The following SH3RF3 variants were observed in gnomAD, a reference collection of about 807,000 sequenced individuals.
The protein encoded by SH3RF3 is E3 ubiquitin-protein ligase SH3RF3.
SH3RF3 carries 29 observed loss-of-function variants against 66.3 expected under a neutral mutation model. That is an observed-to-expected ratio of 0.44 (90% CI 0.33 to 0.60). The LOEUF is 0.60. Among genes scored for constraint, SH3RF3 ranks in the 20% least tolerant of loss-of-function variants. The probability of loss-of-function intolerance (pLI) is 0.04; values close to 1 mark genes in which losing one functional copy is unlikely to be tolerated. For missense variants in SH3RF3, 1,194 were observed against 1,190.9 expected (o/e 1.00, Z -0.04); for synonymous variants, 583 against 532.0 (o/e 1.10, Z -1.32).
chr2:109,319,019 G>C (rs1218329780), intron 1 of SH3RF3, among the ~76,000 whole-genome samples: 5 of 152,238 alleles, frequency 3.3e-5, no homozygotes, highest in Non-Finnish European at 7.3e-5. Flanking sequence ...TGGGATTACA[G>C]ATGGGAAAGG....
In SH3RF3 at chr2:109,178,413, C is replaced by CT. The variant is rs199607359; in HGVS notation, c.573+48308dup. Reference sequence around the variant, plus strand: ...AATATTGGTGGTATGCTTTAGTTTCCTTTTTTTTATTGTTTTGTGAGCTCT... The same window carrying CT: ...AATATTGGTGGTATGCTTTAGTTTCCTTTTTTTTTATTGTTTTGTGAGCTCT... On this transcript the variant is annotated intron_variant, in intron 1 of 9. Coordinates refer to ENST00000309415, the MANE Select transcript of SH3RF3 (RefSeq NM_001099289.3). Among the ~76,000 whole-genome samples the CT allele has an allele frequency of 1.3e-4, 19 of 151,954 alleles. 1 individual carries two copies. Among genetic ancestry groups the CT allele is most frequent in the South Asian group, 6.3e-4 (3 of 4,790 alleles).
intron 9 of SH3RF3, among the ~76,000 whole-genome samples, chr2:109,491,734 A>G (rs1452842128): frequency 1.3e-5 from 2 of 152,188 alleles, no homozygotes; most frequent in Non-Finnish European, 2.9e-5. Flanking sequence ...GGATGGTAGA[A>G]AGATATGATC....
intron 1 of SH3RF3, among the ~76,000 whole-genome samples, chr2:109,256,333 C>G (rs746516646): frequency 1.3e-5 from 2 of 152,156 alleles, no homozygotes; most frequent in Non-Finnish European, 2.9e-5. Context: ...CTGGGGCGAG[C>G]TTGGAAGGTG....
At chr2:109,395,388 C>T (rs1414865768) in intron 3 of SH3RF3, among the ~76,000 whole-genome samples, 1 of 152,226 alleles carries the variant, frequency 6.6e-6, no homozygotes, top group Non-Finnish European at 1.5e-5. Flanking sequence ...AGGATACAGC[C>T]TAACCCCTCC....
chr2:109,396,034 C>T (rs1247057315), intron 3 of SH3RF3, among the ~76,000 whole-genome samples: 3 of 152,192 alleles, frequency 2.0e-5, no homozygotes, highest in Non-Finnish European at 4.4e-5. Flanking sequence ...CAAGTGCAGG[C>T]GCGTGGCAGG....
At chr2:109,248,643 C>A (rs1574527603) in intron 1 of SH3RF3, among the ~76,000 whole-genome samples, 2 of 152,172 alleles carry the variant, frequency 1.3e-5, no homozygotes, top group East Asian at 3.8e-4. Flanking sequence ...CAAGTGCAAG[C>A]AAATAATTAG....
intron 7 of SH3RF3, among the ~76,000 whole-genome samples, chr2:109,442,405 T>A (rs1677594526): frequency 1.3e-5 from 2 of 151,526 alleles, no homozygotes; most frequent in Admixed American, 1.3e-4. Context: ...AAAATGAAGA[T>A]CTATACAAAG....
At chr2:109,377,750 G>C (rs1258951831) in intron 3 of SH3RF3, among the ~76,000 whole-genome samples, 1 of 152,146 alleles carries the variant, frequency 6.6e-6, no homozygotes, top group South Asian at 2.1e-4. Context: ...CAGACCACTG[G>C]GTTCTAAGCC....
At chr2:109,337,443 C>T (rs1417314884) in intron 1 of SH3RF3, among the ~76,000 whole-genome samples, 2 of 152,196 alleles carry the variant, frequency 1.3e-5, no homozygotes, top group Non-Finnish European at 2.9e-5. Context: ...GCCACCCCCT[C>T]GCATATGGCG....
At chr2:109,259,361 C>T (rs991963336) in intron 1 of SH3RF3, among the ~76,000 whole-genome samples, 2 of 152,124 alleles carry the variant, frequency 1.3e-5, no homozygotes, top group African/African-American at 2.4e-5. Flanking sequence ...CATCCAGAGC[C>T]GGAGGCATCC....
At chr2:109,227,812 C>T (rs143826112) in intron 1 of SH3RF3, among the ~76,000 whole-genome samples, 53 of 152,320 alleles carry the variant, frequency 3.5e-4, no homozygotes, top group Non-Finnish European at 5.6e-4. Flanking sequence ...CTTCCTTTCC[C>T]GAATTCCCGC....
chr2:109,248,882 GTCCTT>G (rs1194879618), intron 1 of SH3RF3, among the ~76,000 whole-genome samples: 81 of 57,486 alleles, frequency 1.4e-3, no homozygotes, highest in African/African-American at 3.5e-3. Flanking sequence ...TTCCTTTCCT[GTCCTT>G]TCCTGTCCTG....
At chr2:109,370,219 CTG>C (rs1683238448) in intron 2 of SH3RF3, among the ~76,000 whole-genome samples, 3 of 149,288 alleles carry the variant, frequency 2.0e-5, no homozygotes, top group Admixed American at 6.6e-5. Flanking sequence ...GTCTCTGTCT[CTG>C]TCTCTGTCTC....
At chr2:109,426,052 C>G (rs1275693585) in intron 5 of SH3RF3, among the ~76,000 whole-genome samples, 1 of 152,184 alleles carries the variant, frequency 6.6e-6, no homozygotes, top group Non-Finnish European at 1.5e-5. Context: ...CGCATGCCAC[C>G]ACGCCCAGCT....
chr2:109,288,627 GT>G (rs1681093407), intron 1 of SH3RF3, among the ~76,000 whole-genome samples: 1 of 152,188 alleles, frequency 6.6e-6, no homozygotes, highest in African/African-American at 2.4e-5. Context: ...TGCAAGGCAA[GT>G]CATTGTCACC....
rs148169977 is a variant in SH3RF3 at position 109,302,393 on chromosome 2, T to C, written c.574-45281T>C. On this transcript the variant is annotated intron_variant, in intron 1 of 9. Transcript: ENST00000309415. Reference sequence around the variant, plus strand: ...TTGCTGCTTCTGTTCATGCTGACCATACCCAAACACAGAACTGGTGCAATC... The same window carrying C: ...TTGCTGCTTCTGTTCATGCTGACCACACCCAAACACAGAACTGGTGCAATC... Among the ~76,000 whole-genome samples the C allele has an allele frequency of 3.5e-3, 526 of 152,324 alleles. 5 individuals carry two copies. The highest frequency in any genetic ancestry group is 0.014 in the Middle Eastern group (4 of 294).
chr2:109,220,535 TAATG>T (rs1361611330), intron 1 of SH3RF3, among the ~76,000 whole-genome samples: 1 of 152,140 alleles, frequency 6.6e-6, no homozygotes, highest in Non-Finnish European at 1.5e-5. Flanking sequence ...GTTTAGTAAA[TAATG>T]AATATCTGGA....
chr2:109,452,585 G>A (rs1381775092), intron 8 of SH3RF3, among the ~76,000 whole-genome samples: 1 of 152,208 alleles, frequency 6.6e-6, no homozygotes, highest in African/African-American at 2.4e-5. Flanking sequence ...GTAGAGTAGG[G>A]AGTAATTTTC....
At chr2:109,409,192 C>T (rs1676525737) in intron 4 of SH3RF3, among the ~76,000 whole-genome samples, 1 of 152,200 alleles carries the variant, frequency 6.6e-6, no homozygotes, top group Non-Finnish European at 1.5e-5. Flanking sequence ...CTTTTGATCA[C>T]AACTTTCACT....
Sources: allele counts gnomAD v4.1 joint callset (sites outside exome capture counted in the v4.1 genomes callset), GRCh38; gene constraint gnomAD v4.1.1; transcripts MANE v1.5; gene names NCBI Gene and HGNC (gene_info 2026-07-23, HGNC 2026-07-21).